The following TEAD4 variants were observed in gnomAD, a reference collection of about 807,000 sequenced individuals.
The protein encoded by TEAD4 is transcriptional enhancer factor TEF-3.
A neutral mutation model predicts 52.4 loss-of-function variants in TEAD4; 36 were observed. That is an observed-to-expected ratio of 0.69 (90% CI 0.53 to 0.91). The LOEUF (loss-of-function observed/expected upper bound fraction) is 0.91. TEAD4 is among the 40% of genes least tolerant of loss of function. The pLI is 0.00. For missense variants in TEAD4, 508 were observed against 583.9 expected, an observed-to-expected ratio of 0.87 and a Z score of 1.34; for synonymous variants, 220 against 231.0, an observed-to-expected ratio of 0.95 and a Z score of 0.43.
chr12:3,022,271 A>G (rs1289562496), intron 10 of TEAD4, among the ~76,000 whole-genome samples: 1 of 152,192 alleles, frequency 6.6e-6, no homozygotes, highest in Non-Finnish European at 1.5e-5. Flanking sequence ...AAGCCGGGCT[A>G]ACAGTGGAGC....
At chr12:3,024,335 CA>C (rs1428772135) in intron 10 of TEAD4, among the ~76,000 whole-genome samples, 1 of 152,196 alleles carries the variant, frequency 6.6e-6, no homozygotes, top group Non-Finnish European at 1.5e-5. Flanking sequence ...CTCAGCCTCC[CA>C]AAGTAATGTT....
chr12:3,010,121 C>A (rs1389313940), intron 3 of TEAD4, among the ~76,000 whole-genome samples: 4 of 152,250 alleles, frequency 2.6e-5, no homozygotes, highest in African/African-American at 9.6e-5. Context: ...TAACACTAGC[C>A]AGGGGTGAAG....
At chr12:2,973,675 T>C (rs763852114) in intron 2 of TEAD4, among the ~76,000 whole-genome samples, 2 of 152,148 alleles carry the variant, frequency 1.3e-5, no homozygotes, top group Middle Eastern at 3.2e-3. Context: ...CAGGTGGGAA[T>C]TTTGGTTTGC....
chr12:3,014,851 C>T (rs1368655895), intron 5 of TEAD4, among the ~76,000 whole-genome samples: 1 of 152,218 alleles, frequency 6.6e-6, no homozygotes, highest in Non-Finnish European at 1.5e-5. Context: ...TCCAGGAAGG[C>T]AGGCACTGAG....
rs961800436 is a variant in TEAD4, at chr12:3,019,031, C to G, written c.528-84C>G. 3.9e-6 allele frequency: 6 copies of G among 1,536,318 alleles called. No homozygotes were observed. In the African/African-American group the frequency reaches 8.2e-5, roughly 21 times the overall value. ...CTGAAATCCAGACCACCAGGACCTACCACACAGACCACTGGACCCAGTGCA... is the reference window on the plus strand; with the variant it reads ...CTGAAATCCAGACCACCAGGACCTAGCACACAGACCACTGGACCCAGTGCA... On this transcript the variant is annotated intron_variant, in intron 7 of 12. Transcript: ENST00000359864.
chr12:2,990,844 G>T (rs944453733), intron 2 of TEAD4, among the ~76,000 whole-genome samples: 3 of 152,174 alleles, frequency 2.0e-5, no homozygotes, highest in Non-Finnish European at 4.4e-5. Flanking sequence ...TTTAGGTATA[G>T]TTCCCAGTTT....
intron 10 of TEAD4, among the ~76,000 whole-genome samples, chr12:3,026,294 C>T (rs879497763): frequency 2.2e-4 from 33 of 152,302 alleles, no homozygotes; most frequent in Non-Finnish European, 3.8e-4. Context: ...TGTATTCTGA[C>T]TCTTTTCTGA....
rs1025416722 is a variant in TEAD4, at chr12:3,018,452, T to C, written c.484-93T>C. The C allele has an allele frequency of 2.7e-6, 4 of 1,467,754 alleles. No homozygotes were observed. The East Asian group carries it at 9.1e-5, about 33-fold the overall frequency. 90.9% of individuals were successfully genotyped at this position (1,467,754 alleles called of 1,614,324 possible). A position where few individuals can be genotyped will look rare whatever the true frequency, so the allele number is the denominator to read the frequency against. On this transcript the variant is annotated intron_variant, in intron 6 of 12. Transcript: ENST00000359864. ...CTCGGGCTCCAGCCTCTCCTCCCAG[T>C]GGAGGCCCTGCCCGGTCCTACCCCC...
intron 2 of TEAD4, among the ~76,000 whole-genome samples, chr12:2,975,315 A>G (rs2098228671): frequency 6.6e-6 from 1 of 151,756 alleles, no homozygotes; most frequent in African/African-American, 2.4e-5. Flanking sequence ...ATTTGTTGCA[A>G]TTGATGTACA....
At chr12:2,995,357 CCT>C (rs1413279548) in intron 3 of TEAD4, among the ~76,000 whole-genome samples, 12 of 152,056 alleles carry the variant, frequency 7.9e-5, no homozygotes, top group African/African-American at 2.7e-4. Flanking sequence ...TCACTCATCC[CCT>C]CTTTCCCTCA....
intron 3 of TEAD4, among the ~76,000 whole-genome samples, chr12:3,010,745 C>A (rs2098259632): frequency 6.6e-6 from 1 of 152,156 alleles, no homozygotes. Flanking sequence ...GTTCCTCAGG[C>A]TGTGCGTGGT....
intron 2 of TEAD4, among the ~76,000 whole-genome samples, chr12:2,990,989 A>G (rs1023793757): frequency 6.6e-6 from 1 of 152,136 alleles, no homozygotes; most frequent in Non-Finnish European, 1.5e-5. Flanking sequence ...GTTCAAGACC[A>G]GCCTAGGCAA....
intron 3 of TEAD4, among the ~76,000 whole-genome samples, chr12:3,008,959 C>T (rs1591582348): frequency 6.6e-6 from 1 of 152,292 alleles, no homozygotes; most frequent in East Asian, 1.9e-4. Context: ...TTTTCCTTGC[C>T]CGTAGACTAG....
chr12:3,022,908 G>A (rs1475486154), intron 10 of TEAD4, among the ~76,000 whole-genome samples: 1 of 152,188 alleles, frequency 6.6e-6, no homozygotes, highest in African/African-American at 2.4e-5. Flanking sequence ...AATGCCTCTT[G>A]TGCAGAGATT....
At position 2,994,984 on chromosome 12, in the gene TEAD4, A is replaced by G. The variant is rs939971926; in HGVS notation, c.218A>G (p.Lys73Arg). The G allele has an allele frequency of 6.8e-6, 11 of 1,613,840 alleles. No homozygotes were observed. Among genetic ancestry groups the G allele is most frequent in the African/African-American group, 1.3e-5 (1 of 75,052 alleles). ...AAAATCATCCTGTCGGACGAGGGCA[A>G]GATGTATGGTAAGGAGCCCGTCGGG... The change falls in exon 3 of 13, where the codon AAG becomes AGG. Residue 73 changes from lysine (K) to arginine (R), a missense_variant. By Grantham distance (26) the Lys-to-Arg change is conservative (BLOSUM62 2). Coordinates refer to ENST00000359864, the MANE Select transcript of TEAD4 (RefSeq NM_003213.4). The surrounding 1 kb of genome is among the most constrained non-coding windows in gnomAD (Gnocchi z 4.7).
chr12:3,022,607 G>A (rs527929955), intron 10 of TEAD4, among the ~76,000 whole-genome samples: 39 of 152,258 alleles, frequency 2.6e-4, no homozygotes, highest in African/African-American at 8.7e-4. Context: ...ACCTCACCCC[G>A]GGCAGGTATT....
chr12:3,008,968 A>G (rs1274233818), intron 3 of TEAD4, among the ~76,000 whole-genome samples: 2 of 152,146 alleles, frequency 1.3e-5, no homozygotes, highest in Non-Finnish European at 2.9e-5. Flanking sequence ...CCCGTAGACT[A>G]GTCTCTGAGC....
Position 2,979,682 on chromosome 12 carries a change from A to G in TEAD4, c.-29-15056A>G, listed in dbSNP as rs1206469368. ...TCTGTGATTAATGAGGATTGACTGTACTTGCATCTTCATAGATGACTCTCC... is the reference window on the plus strand; with the variant it reads ...TCTGTGATTAATGAGGATTGACTGTGCTTGCATCTTCATAGATGACTCTCC... On this transcript the variant is annotated intron_variant, in intron 2 of 12. Coordinates refer to ENST00000359864, the MANE Select transcript of TEAD4 (RefSeq NM_003213.4). 2.6e-5 allele frequency among the ~76,000 whole-genome samples: 4 copies of G among 152,202 alleles called. No homozygotes were observed. The East Asian group carries it at 7.7e-4, about 29-fold the overall frequency.
chr12:2,962,113 TTTTTA>T (rs200197893), intron 2 of TEAD4, among the ~76,000 whole-genome samples: 6 of 150,796 alleles, frequency 4.0e-5, no homozygotes, highest in African/African-American at 7.3e-5. Context: ...TTTTACTTTA[TTTTTA>T]TTTTATTTTA....
Sources: gnomAD v4.1 joint callset for allele counts (sites outside exome capture counted in the v4.1 genomes callset) on GRCh38, gnomAD v4.1.1 for gene constraint, Gnocchi (gnomAD v3.1) non-coding constraint, MANE v1.5 for transcripts, NCBI Gene and HGNC (gene_info 2026-07-23, HGNC 2026-07-21) for gene names.